Variants in DNMBP observed in about 807,000 individuals in gnomAD.
DNMBP encodes the protein dynamin-binding protein.
DNMBP carries 87 observed loss-of-function variants against 150.0 expected under a neutral mutation model. The observed-to-expected ratio is 0.58, with a 90% confidence interval of 0.49 to 0.69. The LOEUF (loss-of-function observed/expected upper bound fraction) is 0.69, where lower values mean the gene tolerates loss of function less well. Among genes scored for constraint, DNMBP ranks in the 30% least tolerant of loss-of-function variants. DNMBP has a pLI of 0.00. For missense variants in DNMBP, 1,774 were observed against 1,949.0 expected (o/e 0.91, Z 1.69); for synonymous variants, 711 against 750.4 (o/e 0.95, Z 0.86).
In DNMBP at chr10:99,956,748, CTCCTCA is replaced by C. The variant is rs777713720; in HGVS notation, c.720_725del (p.Asp240_Glu241del). 83 of 1,614,162 alleles carry C rather than the reference CTCCTCA, an allele frequency of 5.1e-5. No individual in the cohort carries two copies. The highest frequency in any genetic ancestry group is 2.7e-4 in the African/African-American group (20 of 75,046). ...GGGCGACCCCATAGGTCCCTGGCTC[CTCCTCA>C]TCCTCATCCGGCCCTATCTCTTCTT... On this transcript the variant is annotated inframe_deletion, in exon 4 of 17. Coordinates refer to ENST00000324109, the MANE Select transcript of DNMBP (RefSeq NM_015221.4).
intron 1 of DNMBP, among the ~76,000 whole-genome samples, chr10:99,983,544 G>A (rs1296101429): frequency 1.3e-5 from 2 of 152,190 alleles, no homozygotes; most frequent in African/African-American, 4.8e-5. Flanking sequence ...AGCAACAGAT[G>A]AGGGAAAAGC....
At chr10:99,935,884 G>T (rs2133295797) in intron 4 of DNMBP, among the ~76,000 whole-genome samples, 1 of 152,166 alleles carries the variant, frequency 6.6e-6, no homozygotes, top group East Asian at 1.9e-4. Context: ...TTTAAATCAA[G>T]AGCATATAAA....
rs1324861964 is a variant in DNMBP at position 99,880,056 on chromosome 10, G to A, written c.4303C>T (p.Pro1435Ser). 2.5e-6 allele frequency: 4 copies of A among 1,614,054 alleles called. No homozygotes were observed. In the African/African-American group the frequency reaches 4.0e-5, roughly 16 times the overall value. ...SNSESSPSRC[P>S]SDPDSTSQPR... Reference sequence around the variant, plus strand: ...TGGGAGGTGGAGTCTGGGTCTGAAGGGCATCTGGAAGGACTACTCTCTGAA... The same window carrying A: ...TGGGAGGTGGAGTCTGGGTCTGAAGAGCATCTGGAAGGACTACTCTCTGAA... The change falls in exon 16 of 17, where the codon CCT becomes TCT. Residue 1435 changes from proline to serine, a missense_variant. By Grantham distance (74) the Pro-to-Ser change is moderately conservative. This residue lies in a region of DNMBP where 1,430 missense variants were observed against 1,492.5 expected (regional missense o/e 0.96). Transcript: ENST00000324109.
intron 1 of DNMBP, among the ~76,000 whole-genome samples, chr10:100,005,786 C>CAAAAAAAAAAAAAAAAAAAAA (rs1589458237): frequency 7.9e-5 from 8 of 101,076 alleles, no homozygotes; most frequent in Non-Finnish European, 1.2e-4. Flanking sequence ...AAAAAAAAAC[C>CAAAAAAAAAAAAAAAAAAAAA]AAACTACATA....
chr10:99,964,669 G>A (rs184622301), intron 3 of DNMBP, among the ~76,000 whole-genome samples: 2 of 151,468 alleles, frequency 1.3e-5, no homozygotes, highest in Non-Finnish European at 3.0e-5. Context: ...TCAGGAGTTC[G>A]AGACCAGCTT....
Position 99,956,154 on chromosome 10 carries a change from T to TGA in DNMBP, c.1318_1319dup (p.Glu441GlnfsTer10), listed in dbSNP as rs776230391. 1.2e-6 allele frequency: 2 copies of TGA among 1,614,056 alleles called. No individual in the cohort carries two copies. Among genetic ancestry groups the TGA allele is most frequent in the Non-Finnish European group, 1.7e-6 (2 of 1,180,030 alleles). On this transcript the variant is annotated frameshift_variant, in exon 4 of 17. Transcript: ENST00000324109. LOFTEE classifies it high-confidence loss of function. ...GGGGAAGAAGGTCGGGGTACTGTTC[T>TGA]GAGTGCGGGTGGCTCCCTCCCACTG...
chr10:99,958,939 G>A (rs1290941304), intron 3 of DNMBP, among the ~76,000 whole-genome samples: 2 of 152,144 alleles, frequency 1.3e-5, no homozygotes, highest in Non-Finnish European at 2.9e-5. Context: ...CAGTGTCAAC[G>A]ATGAATATTT....
At chr10:99,917,968 C>CAAAA (rs749252887) in intron 4 of DNMBP, among the ~76,000 whole-genome samples, 10 of 52,224 alleles carry the variant, frequency 1.9e-4, no homozygotes, top group South Asian at 6.1e-4. Context: ...GACTCTGTCT[C>CAAAA]AAAAAAAAAA....
rs779752296 is a variant in DNMBP, at chr10:99,972,032, C to A, written c.93G>T (p.Val31=). The part of the protein sequence containing the change: ...LPLFVGDIIE[V]LAVVDEFWLL... ...GCCAAAATTCATCCACCACTGCCAG[C>A]ACCTCAATAATATCTCCCACAAAGA... is the stretch of plus-strand genomic sequence containing the variant. Residue 31 remains valine (V), a synonymous_variant, in exon 2 of 17, where the codon GTG becomes GTT. Transcript: ENST00000324109. The A allele has an allele frequency of 1.7e-5, 27 of 1,613,872 alleles. No individual in the cohort carries two copies. The highest frequency in any genetic ancestry group is 7.7e-5 in the South Asian group (7 of 91,084).
At chr10:99,908,837 A>T in intron 5 of DNMBP, 116 bp downstream of exon 5, 1 of 947,508 alleles carries the variant, frequency 1.1e-6, no homozygotes, top group Non-Finnish European at 1.6e-6. Context: ...CAGCACTCAC[A>T]GTCACAGTTT....
At chr10:99,917,660 C>G (rs913971358) in intron 4 of DNMBP, among the ~76,000 whole-genome samples, 5 of 152,144 alleles carry the variant, frequency 3.3e-5, no homozygotes, top group Non-Finnish European at 7.4e-5. Context: ...CTATCAATCC[C>G]TATAAATGGA....
chr10:99,913,955 G>A, intron 4 of DNMBP: 1 of 1,395,850 alleles, frequency 7.2e-7, no homozygotes, highest in Non-Finnish European at 9.4e-7. Context: ...GGACCTACCT[G>A]CAGTGCCCAG....
At chr10:99,944,163 G>A (rs1370503183) in intron 4 of DNMBP, among the ~76,000 whole-genome samples, 2 of 152,204 alleles carry the variant, frequency 1.3e-5, no homozygotes, top group Admixed American at 6.5e-5. Context: ...TTCCAAGGCA[G>A]CAGGAAAGAG....
intron 4 of DNMBP, chr10:99,914,080 C>A: frequency 7.1e-7 from 1 of 1,405,814 alleles, no homozygotes; most frequent in Non-Finnish European, 9.3e-7. Context: ...TCGGCATTTC[C>A]CCCAGGCTTC....
At chr10:99,924,248 T>TAACAC (rs1476298232) in intron 4 of DNMBP, among the ~76,000 whole-genome samples, 1 of 125,518 alleles carries the variant, frequency 8.0e-6, no homozygotes, top group African/African-American at 2.8e-5. Flanking sequence ...CCATCCTGGC[T>TAACAC]AACACGGTGA....
At chr10:99,971,019 AG>A (rs1287641861) in intron 2 of DNMBP, among the ~76,000 whole-genome samples, 2 of 150,416 alleles carry the variant, frequency 1.3e-5, no homozygotes, top group South Asian at 2.1e-4. Context: ...AGTAAACAAC[AG>A]GGTTATGAAG....
intron 6 of DNMBP, among the ~76,000 whole-genome samples, chr10:99,905,868 G>A (rs1215935652): frequency 1.3e-5 from 2 of 152,178 alleles, no homozygotes; most frequent in African/African-American, 4.8e-5. Context: ...TGCTCAGGGA[G>A]CTGAGGTGAG....
intron 4 of DNMBP, chr10:99,913,916 C>T (rs1422027798): frequency 1.2e-5 from 15 of 1,300,750 alleles, no homozygotes; most frequent in African/African-American, 1.5e-5. Context: ...GCCTGTTCCA[C>T]TTCCTTCTGT....
At chr10:99,894,894 G>A (rs2039627783) in intron 11 of DNMBP, 52 bp downstream of exon 11, 1 of 1,352,916 alleles carries the variant, frequency 7.4e-7, no homozygotes, top group Non-Finnish European at 1.1e-6. Flanking sequence ...AACAGGAAAG[G>A]GGACAGAATT....
Sources: gnomAD v4.1 joint callset for allele counts (sites outside exome capture counted in the v4.1 genomes callset) on GRCh38, gnomAD v4.1.1 for gene constraint, gnomAD v4.1.1 regional missense constraint, MANE v1.5 for transcripts, NCBI Gene and HGNC (gene_info 2026-07-23, HGNC 2026-07-21) for gene names.